The following GABRA5 variants were observed in gnomAD, a reference collection of about 807,000 sequenced individuals.
GABRA5 encodes gamma-aminobutyric acid type A receptor subunit alpha5.
In GABRA5, 18 loss-of-function variants were observed where a neutral mutation model predicts 47.3. The ratio of observed to expected loss-of-function variants is 0.38; its 90% confidence interval spans 0.26 to 0.56. The LOEUF is 0.56. GABRA5 is among the 20% of genes least tolerant of loss of function. The pLI is 0.71. For synonymous variants in GABRA5, 237 were observed against 229.3 expected (o/e 1.03, Z -0.30); for missense variants, 365 against 599.3 (o/e 0.61, Z 4.08).
chr15:26,889,364 G>A (rs1473569934), intron 6 of GABRA5, among the ~76,000 whole-genome samples: 2 of 150,874 alleles, frequency 1.3e-5, no homozygotes, highest in Non-Finnish European at 2.9e-5. Flanking sequence ...ATCTCCTAGA[G>A]CCACTGTCTT....
In GABRA5 at chr15:26,937,201, T is replaced by C. The variant is rs1177941416; in HGVS notation, c.597T>C (p.Ser199=). 1 of 1,613,932 alleles carries C rather than the reference T, an allele frequency of 6.2e-7. No homozygotes were observed. Among genetic ancestry groups the C allele is most frequent in the Admixed American group, 1.7e-5 (1 of 60,012 alleles). The part of the protein sequence containing the change: ...LKFGSYAYPN[S]EVVYVWTNGS... The stretch of plus-strand genomic sequence containing the variant: ...CTCATACAGATGCGTACCCTAATTC[T>C]GAAGTCGTTTACGTCTGGACCAACG... Residue 199 remains serine (S), a synonymous_variant, in exon 8 of 11, where the codon TCT becomes TCC. Coordinates refer to ENST00000335625, the MANE Select transcript of GABRA5 (RefSeq NM_000810.4).
At chr15:26,909,738 G>A (rs1207115659) in intron 6 of GABRA5, among the ~76,000 whole-genome samples, 1 of 152,228 alleles carries the variant, frequency 6.6e-6, no homozygotes, top group Non-Finnish European at 1.5e-5. Flanking sequence ...CTCACATGGA[G>A]AATCCAGGAT....
chr15:26,904,570 G>A (rs1296979425), intron 6 of GABRA5, among the ~76,000 whole-genome samples: 1 of 152,022 alleles, frequency 6.6e-6, no homozygotes, highest in Admixed American at 6.6e-5. Context: ...GGCCATTTTA[G>A]TGATATCAAT....
At chr15:26,896,604 A>G (rs1893198958) in intron 6 of GABRA5, among the ~76,000 whole-genome samples, 1 of 152,194 alleles carries the variant, frequency 6.6e-6, no homozygotes, top group Non-Finnish European at 1.5e-5. Context: ...CTACTTTGTA[A>G]TAATTTATTA....
intron 6 of GABRA5, among the ~76,000 whole-genome samples, chr15:26,910,748 T>A (rs1893562419): frequency 6.6e-6 from 1 of 152,242 alleles, no homozygotes; most frequent in Non-Finnish European, 1.5e-5. Context: ...ACTGGATTCC[T>A]GGGTCTTCCA....
chr15:26,940,101 G>A, intron 9 of GABRA5, 24 bp downstream of exon 9: 1 of 1,593,220 alleles, frequency 6.3e-7, no homozygotes, highest in Non-Finnish European at 8.6e-7. Flanking sequence ...AGCCAGGCCT[G>A]GACACTGGTG....
At chr15:26,893,889 C>G (rs1447383212) in intron 6 of GABRA5, among the ~76,000 whole-genome samples, 1 of 152,052 alleles carries the variant, frequency 6.6e-6, no homozygotes, top group African/African-American at 2.4e-5. Flanking sequence ...TATGTGCGCG[C>G]GGGGCGGCGG....
chr15:26,940,533 G>T (rs148967866), intron 9 of GABRA5, among the ~76,000 whole-genome samples: 117 of 148,578 alleles, frequency 7.9e-4, no homozygotes, highest in African/African-American at 2.8e-3. Flanking sequence ...TGAGCATTAC[G>T]TCGGTGCCCA....
rs149156018 is a variant in GABRA5, at chr15:26,937,189, G to A, written c.585G>A (p.Ala195=). ...HACPLKFGSY[A]YPNSEVVYVW... is the part of the protein sequence containing the mutation. ...TTCTGCCCCCTCCTCATACAGATGC[G>A]TACCCTAATTCTGAAGTCGTTTACG... Residue 195 remains alanine (A), a synonymous_variant, in exon 8 of 11, where the codon GCG becomes GCA. Coordinates refer to ENST00000335625, the MANE Select transcript of GABRA5 (RefSeq NM_000810.4). 1,028 of 1,613,882 alleles carry A rather than the reference G, an allele frequency of 6.4e-4. 10 individuals are homozygous for A. In the African/African-American group the frequency reaches 0.012, roughly 19 times the overall value.
chr15:26,942,812 G>A lies in GABRA5; in HGVS notation c.878-403G>A, dbSNP rs549620685. ...TGTTAGCAAAACAGTAGAGGAAGGC[G>A]CAGGCTGGGATTAAAATCACCAGTC... is the stretch of plus-strand genomic sequence containing the variant. On this transcript the variant is annotated intron_variant, in intron 9 of 10. Transcript: ENST00000335625. 3.3e-4 allele frequency among the ~76,000 whole-genome samples: 50 copies of A among 152,292 alleles called. No individual in the cohort carries two copies. In the South Asian group the frequency reaches 1.0e-2, roughly 30 times the overall value.
intron 6 of GABRA5, among the ~76,000 whole-genome samples, chr15:26,900,515 A>G (rs922402270): frequency 6.6e-6 from 1 of 152,154 alleles, no homozygotes; most frequent in Admixed American, 6.6e-5. Context: ...GAACTCCCTC[A>G]GTTTTTAAAG....
chr15:26,906,364 C>G (rs1414208635), intron 6 of GABRA5, among the ~76,000 whole-genome samples: 1 of 152,208 alleles, frequency 6.6e-6, no homozygotes, highest in Non-Finnish European at 1.5e-5. Context: ...TGTTAAAACA[C>G]TCTTTCAGTG....
chr15:26,916,322 G>T lies in GABRA5; in HGVS notation c.580+1437G>T, dbSNP rs1277681520. ...TCTTTAAAAAGAAACACCACTTGTTGAAGAGATTATCTTTTCCTCATTTTT... is the reference window on the plus strand; with the variant it reads ...TCTTTAAAAAGAAACACCACTTGTTTAAGAGATTATCTTTTCCTCATTTTT... On this transcript the variant is annotated intron_variant, in intron 7 of 10. Transcript: ENST00000335625. 2.0e-5 allele frequency among the ~76,000 whole-genome samples: 3 copies of T among 152,110 alleles called. No individual in the cohort carries two copies. In the East Asian group the frequency reaches 5.8e-4, roughly 29 times the overall value.
At chr15:26,919,493 A>G (rs1371650524) in intron 7 of GABRA5, among the ~76,000 whole-genome samples, 1 of 152,134 alleles carries the variant, frequency 6.6e-6, no homozygotes, top group African/African-American at 2.4e-5. Flanking sequence ...CTTAACATCA[A>G]TTACATATAA....
At chr15:26,889,517 T>C (rs756435526) in intron 6 of GABRA5, among the ~76,000 whole-genome samples, 3 of 152,182 alleles carry the variant, frequency 2.0e-5, no homozygotes, top group Non-Finnish European at 4.4e-5. Flanking sequence ...CATTGTCACA[T>C]TTTTGCTTCA....
chr15:26,934,210 C>T (rs1894178268), intron 7 of GABRA5, among the ~76,000 whole-genome samples: 1 of 147,178 alleles, frequency 6.8e-6, no homozygotes, highest in East Asian at 2.0e-4. Flanking sequence ...CAAGATCGTG[C>T]CACTGCACTC....
At chr15:26,906,425 G>A (rs920990354) in intron 6 of GABRA5, among the ~76,000 whole-genome samples, 1 of 152,126 alleles carries the variant, frequency 6.6e-6, no homozygotes, top group Non-Finnish European at 1.5e-5. Flanking sequence ...CTTCTTGTGT[G>A]GAGTTTGAAG....
intron 6 of GABRA5, among the ~76,000 whole-genome samples, chr15:26,911,895 C>T (rs1460995253): frequency 1.3e-5 from 2 of 152,152 alleles, no homozygotes; most frequent in East Asian, 1.9e-4. Context: ...GAGAAGACAA[C>T]CATCTCCATA....
At chr15:26,931,908 G>C (rs1414749459) in intron 7 of GABRA5, among the ~76,000 whole-genome samples, 3 of 152,092 alleles carry the variant, frequency 2.0e-5, no homozygotes, top group Non-Finnish European at 4.4e-5. Flanking sequence ...CAAAGTAGCA[G>C]GCAGGATATG....
Sources: allele counts gnomAD v4.1 joint callset (sites outside exome capture counted in the v4.1 genomes callset), GRCh38; gene constraint gnomAD v4.1.1; transcripts MANE v1.5; gene names NCBI Gene and HGNC (gene_info 2026-07-23, HGNC 2026-07-21).